The following LRRC2 variants were observed in gnomAD, a reference collection of about 807,000 sequenced individuals.
The protein encoded by LRRC2 is leucine rich repeat containing 2.
A neutral mutation model predicts 40.2 loss-of-function variants in LRRC2; 27 were observed. That is an observed-to-expected ratio of 0.67 (90% CI 0.49 to 0.93). The LOEUF (loss-of-function observed/expected upper bound fraction) is 0.93. Ranked by LOEUF, LRRC2 falls within the 40% of genes least tolerant of loss-of-function variation. The pLI is 0.00. For missense variants in LRRC2, 402 were observed against 439.6 expected (o/e 0.91, Z 0.76); for synonymous variants, 147 against 158.9 (o/e 0.92, Z 0.56).
At chr3:46,534,621 C>G (rs1704239047) in intron 4 of LRRC2, among the ~76,000 whole-genome samples, 1 of 152,022 alleles carries the variant, frequency 6.6e-6, no homozygotes, top group Non-Finnish European at 1.5e-5. Flanking sequence ...CAATAATTAG[C>G]TATTTTAAAT....
intron 1 of LRRC2, 140 bp from the exon 2 acceptor site, chr3:46,551,750 GCTTT>G: frequency 2.0e-5 from 3 of 153,042 alleles, no homozygotes; most frequent in South Asian, 2.1e-4. Context: ...ATGACAGTTT[GCTTT>G]TTTTTTTTTT....
chr3:46,534,396 C>CTTTCT (rs1043685944), intron 4 of LRRC2, among the ~76,000 whole-genome samples: 15 of 151,456 alleles, frequency 9.9e-5, no homozygotes, highest in Admixed American at 4.0e-4. Flanking sequence ...TTTTTGTTTT[C>CTTTCT]TTTCTTTTCT....
At chr3:46,529,791 G>A in intron 6 of LRRC2, 114 bp downstream of exon 6, 3 of 1,150,730 alleles carry the variant, frequency 2.6e-6, no homozygotes, top group Non-Finnish European at 3.6e-6. Context: ...GGAAACTCTG[G>A]AAAATTAGTT....
intron 1 of LRRC2, among the ~76,000 whole-genome samples, chr3:46,555,981 T>G (rs1704783729): frequency 6.6e-6 from 1 of 152,250 alleles, no homozygotes; most frequent in Non-Finnish European, 1.5e-5. Context: ...AATCTTTTCT[T>G]TTTTATTAAT....
rs1703854304 is a variant in LRRC2, at chr3:46,515,954, T to TTTA, written c.*3059_*3060insTAA. The TTTA allele has an allele frequency of 1.9e-5, 1 of 51,506 alleles. No homozygotes were observed. The highest frequency in any genetic ancestry group is 3.9e-5 in the African/African-American group (1 of 25,472). 3.2% of individuals were successfully genotyped at this position (51,506 alleles called of 1,614,324 possible). On this transcript the variant is annotated 3_prime_UTR_variant, in exon 9 of 9. Coordinates refer to ENST00000395905, the MANE Select transcript of LRRC2 (RefSeq NM_024512.5). The stretch of plus-strand genomic sequence containing the variant: ...TCCTACTCTTTTCATCTCTCTCTCT[T>TTTA]TTTTTTTTTTTTTTTTTTTTTTTGA...
At chr3:46,523,041 AT>A (rs1342976729) in intron 7 of LRRC2, among the ~76,000 whole-genome samples, 1 of 152,122 alleles carries the variant, frequency 6.6e-6, no homozygotes, top group African/African-American at 2.4e-5. Context: ...GTTTTATTAT[AT>A]ATATATATTT....
rs1354849015 is a variant in LRRC2 at position 46,526,980 on chromosome 3, TCC to T, written c.929+444_929+445del. ...GGAGCCAGGACTTTTCAATTCCACT[TCC>T]ACATCCCCAGATTGGAGGCTGTTTG... On this transcript the variant is annotated intron_variant, in intron 7 of 8. Coordinates refer to ENST00000395905, the MANE Select transcript of LRRC2 (RefSeq NM_024512.5). Among the ~76,000 whole-genome samples the T allele has an allele frequency of 2.0e-5, 3 of 152,252 alleles. No individual in the cohort carries two copies. In the South Asian group the frequency reaches 6.2e-4, roughly 31 times the overall value.
intron 5 of LRRC2, 144 bp from the exon 6 acceptor site, chr3:46,530,194 G>A: frequency 1.5e-6 from 1 of 675,234 alleles, no homozygotes; most frequent in Non-Finnish European, 2.5e-6. Flanking sequence ...GTATTTTGAA[G>A]CACCTCAGAT....
rs1704150184 is a variant in LRRC2, at chr3:46,531,008, AG to A, written c.628-959del. On this transcript the variant is annotated intron_variant, in intron 5 of 8. Coordinates refer to ENST00000395905, the MANE Select transcript of LRRC2 (RefSeq NM_024512.5). ...AAGAAGGACATTTCATAATAATAAA[AG>A]GGTCAATAGCAGGAGCCCCCCTGAC... Among the ~76,000 whole-genome samples, 14 of 152,372 alleles carry A rather than the reference AG, an allele frequency of 9.2e-5. 1 individual carries two copies. In the South Asian group the frequency reaches 2.9e-3, roughly 32 times the overall value.
intron 3 of LRRC2, among the ~76,000 whole-genome samples, chr3:46,543,199 C>T (rs928558524): frequency 2.0e-5 from 3 of 152,174 alleles, no homozygotes; most frequent in Admixed American, 6.5e-5. Flanking sequence ...TAGGGGATGG[C>T]GTATGGGGAC....
In LRRC2 at chr3:46,527,488, G is replaced by A. The variant is rs746824638; in HGVS notation, c.867C>T (p.Val289=). Residue 289 remains valine (V), a synonymous_variant, in exon 7 of 9, where the codon GTC becomes GTT. Coordinates refer to ENST00000395905, the MANE Select transcript of LRRC2 (RefSeq NM_024512.5). ...GCTCCACCAAATGGTCCCCACTGACGACTAACAGAGTGAGCTTCTTCAGGT... is the reference window on the plus strand; with the variant it reads ...GCTCCACCAAATGGTCCCCACTGACAACTAACAGAGTGAGCTTCTTCAGGT... ...MLNLKKLTLL[V]VSGDHLVELP... 11 of 1,613,822 alleles carry A rather than the reference G, an allele frequency of 6.8e-6. No homozygotes were observed. Among genetic ancestry groups the A allele is most frequent in the East Asian group, 2.2e-5 (1 of 44,882 alleles).
At chr3:46,541,593 T>C (rs901905390) in intron 3 of LRRC2, among the ~76,000 whole-genome samples, 2 of 152,178 alleles carry the variant, frequency 1.3e-5, no homozygotes, top group East Asian at 1.9e-4. Flanking sequence ...TTCCCAGAGC[T>C]GCTCAATCTT....
chr3:46,530,707 AG>A (rs1489480706), intron 5 of LRRC2, among the ~76,000 whole-genome samples: 1 of 152,244 alleles, frequency 6.6e-6, no homozygotes, highest in African/African-American at 2.4e-5. Context: ...GAGCTTATGC[AG>A]AGGAACTCCC....
intron 1 of LRRC2, among the ~76,000 whole-genome samples, chr3:46,552,771 G>A (rs930069129): frequency 6.6e-6 from 1 of 152,118 alleles, no homozygotes; most frequent in African/African-American, 2.4e-5. Context: ...ACTTAAGACT[G>A]ACCACACAGC....
At chr3:46,563,443 C>A (rs1203389462) in intron 1 of LRRC2, among the ~76,000 whole-genome samples, 6 of 152,042 alleles carry the variant, frequency 3.9e-5, no homozygotes. Flanking sequence ...TGTGCTTATC[C>A]ACCCCACGCC....
chr3:46,527,048 T>C (rs1360927951), intron 7 of LRRC2, among the ~76,000 whole-genome samples: 2 of 152,196 alleles, frequency 1.3e-5, no homozygotes, highest in Admixed American at 6.5e-5. Flanking sequence ...TTGTGGGTGG[T>C]TTATAGGTTC....
intron 4 of LRRC2, 107 bp from the exon 5 acceptor site, chr3:46,533,016 G>A: frequency 8.7e-7 from 1 of 1,150,090 alleles, no homozygotes. Flanking sequence ...GATGGGGAAG[G>A]AACTAAACAT....
chr3:46,521,562 T>C lies in LRRC2; in HGVS notation c.1026A>G (p.Lys342=), dbSNP rs1575343028. 6 of 1,612,438 alleles carry C rather than the reference T, an allele frequency of 3.7e-6. No homozygotes were observed. The highest frequency in any genetic ancestry group is 5.1e-6 in the Non-Finnish European group (6 of 1,179,248). ...CTTCAATATAGGCTTTCATAACTTC[T>C]TTATCAAAATGTTGGCGATCCCGTT... ...ESERDRQHFD[K]EVMKAYIEDL... is the part of the protein sequence containing the mutation. The change falls in exon 8 of 9, where the codon AAA becomes AAG. Residue 342 remains lysine (K), a synonymous_variant. Transcript: ENST00000395905.
rs1703871707 is a variant in LRRC2 at position 46,516,938 on chromosome 3, GTGCTT to G, written c.*2071_*2075del. ...TTTGGACTGATCACCCTGCCATTTA[GTGCTT>G]CTTCCTTTAGAATCGCAACTGGCCC... is the stretch of plus-strand genomic sequence containing the variant. On this transcript the variant is annotated 3_prime_UTR_variant, in exon 9 of 9. Coordinates refer to ENST00000395905, the MANE Select transcript of LRRC2 (RefSeq NM_024512.5). The G allele has an allele frequency of 6.6e-6, 1 of 152,226 alleles. No homozygotes were observed. The highest frequency in any genetic ancestry group is 2.4e-5 in the African/African-American group (1 of 41,446). The allele number at this position is 152,226 out of a possible 1,614,324, so 9.4% of individuals were successfully genotyped here.
Sources: gnomAD v4.1 joint callset for allele counts (sites outside exome capture counted in the v4.1 genomes callset) on GRCh38, gnomAD v4.1.1 for gene constraint, MANE v1.5 for transcripts, NCBI Gene and HGNC (gene_info 2026-07-23, HGNC 2026-07-21) for gene names.